The following CAP2 variants were observed in gnomAD, a reference collection of about 807,000 sequenced individuals.
The protein encoded by CAP2 is cyclase associated actin cytoskeleton regulatory protein 2.
CAP2 carries 24 observed loss-of-function variants against 57.7 expected under a neutral mutation model. The observed-to-expected ratio is 0.42, with a 90% CI of 0.30 to 0.58. The LOEUF (loss-of-function observed/expected upper bound fraction) is 0.58, where lower values mean the gene tolerates loss of function less well. Among genes scored for constraint, CAP2 ranks in the 20% least tolerant of loss-of-function variants. The pLI, the probability that CAP2 is intolerant of heterozygous loss-of-function variation, is 0.22. For missense variants in CAP2, 501 were observed against 590.3 expected, an observed-to-expected ratio of 0.85 and a Z score of 1.57; for synonymous variants, 194 against 207.2, an observed-to-expected ratio of 0.94 and a Z score of 0.55.
At chr6:17,552,406 T>C (rs1463604240) in intron 12 of CAP2, among the ~76,000 whole-genome samples, 1 of 152,094 alleles carries the variant, frequency 6.6e-6, no homozygotes, top group African/African-American at 2.4e-5. Context: ...GCCAGCACTT[T>C]GGGAGGCAGA....
Position 17,507,268 on chromosome 6 carries a change from T to C in CAP2, c.400T>C (p.Ser134Pro). The change falls in exon 5 of 13, where the codon TCG becomes CCG. Residue 134 changes from serine (S) to proline (P), a missense_variant. Physicochemically the swap from Ser to Pro is moderately conservative, Grantham distance 74. Coordinates refer to ENST00000229922, the MANE Select transcript of CAP2 (RefSeq NM_006366.3). Reference sequence around the variant, plus strand: ...GGGGAGTAACATGTTTAATCATCTTTCGGCCGTCAGCGAAAGCATCCCTGC... The same window carrying C: ...GGGGAGTAACATGTTTAATCATCTTCCGGCCGTCAGCGAAAGCATCCCTGC... ...NRGSNMFNHL[S>P]AVSESIPALG... The C allele has an allele frequency of 6.2e-7, 1 of 1,614,222 alleles. No individual in the cohort carries two copies. The highest frequency in any genetic ancestry group is 2.2e-5 in the East Asian group (1 of 44,888).
Position 17,507,688 on chromosome 6 carries a change from CT to C in CAP2, c.496del (p.Tyr166ThrfsTer6). ...YVKEMNDAATFYTNRVLKDYK... is the reference protein window; with the variant it reads ...YVKEMNDAATXYTNRVLKDYK... ...TCAAGGAGATGAATGACGCTGCCAC[CT>C]TTTACACTAACAGGGTCTTAAAGGA... On this transcript the variant is annotated frameshift_variant, in exon 6 of 13. Transcript: ENST00000229922. LOFTEE classifies it high-confidence loss of function. 6.2e-7 allele frequency: 1 copy of C among 1,611,068 alleles called. No individual in the cohort carries two copies. Among genetic ancestry groups the C allele is most frequent in the Non-Finnish European group, 8.5e-7 (1 of 1,177,458 alleles).
At chr6:17,516,039 G>C (rs770260557) in intron 7 of CAP2, among the ~76,000 whole-genome samples, 1 of 152,134 alleles carries the variant, frequency 6.6e-6, no homozygotes, top group Non-Finnish European at 1.5e-5. Flanking sequence ...CCTATATCCT[G>C]CTGTATAACC....
chr6:17,500,359 A>ATATATATATATAT (rs1761781527), intron 4 of CAP2, among the ~76,000 whole-genome samples: 1 of 92,214 alleles, frequency 1.1e-5, no homozygotes, highest in African/African-American at 4.7e-5. Context: ...ATATATATAT[A>ATATATATATATAT]TATATATATA....
chr6:17,478,334 C>T (rs1283279585), intron 4 of CAP2, among the ~76,000 whole-genome samples: 2 of 134,866 alleles, frequency 1.5e-5, no homozygotes, highest in African/African-American at 2.9e-5. Flanking sequence ...TTAGTAGAGA[C>T]AGGGTCTCAC....
chr6:17,514,341 C>A (rs1247483430), intron 7 of CAP2, among the ~76,000 whole-genome samples: 5 of 151,900 alleles, frequency 3.3e-5, no homozygotes, highest in Non-Finnish European at 5.9e-5. Flanking sequence ...CCAGCCTGGG[C>A]GACAGAGCAA....
chr6:17,519,465 T>C (rs899025438), intron 7 of CAP2, among the ~76,000 whole-genome samples: 3 of 152,160 alleles, frequency 2.0e-5, no homozygotes, highest in African/African-American at 7.2e-5. Context: ...TTTTCCAACT[T>C]ATTAAGACAG....
intron 4 of CAP2, among the ~76,000 whole-genome samples, chr6:17,496,304 G>A (rs1475703190): frequency 1.3e-5 from 2 of 152,084 alleles, no homozygotes; most frequent in Non-Finnish European, 2.9e-5. Context: ...ATCAGGTTAC[G>A]CAAAGTTAAA....
intron 4 of CAP2, among the ~76,000 whole-genome samples, chr6:17,487,919 C>T (rs763835754): frequency 7.2e-5 from 11 of 152,116 alleles, no homozygotes; most frequent in Non-Finnish European, 1.6e-4. Context: ...GCTGGGACTA[C>T]AGGTGTGTGC....
intron 3 of CAP2, among the ~76,000 whole-genome samples, chr6:17,452,929 T>C (rs1357171751): frequency 6.6e-6 from 1 of 152,168 alleles, no homozygotes; most frequent in Non-Finnish European, 1.5e-5. Flanking sequence ...ATAAGTCCTT[T>C]CTAGTTTTAA....
intron 3 of CAP2, among the ~76,000 whole-genome samples, chr6:17,427,190 G>A (rs144083396): frequency 6.6e-6 from 1 of 152,200 alleles, no homozygotes; most frequent in Non-Finnish European, 1.5e-5. Flanking sequence ...CAGCAAGAGC[G>A]AAGGCTCAGA....
intron 1 of CAP2, among the ~76,000 whole-genome samples, chr6:17,408,979 A>G (rs1190901636): frequency 6.6e-6 from 1 of 151,332 alleles, no homozygotes; most frequent in African/African-American, 2.4e-5. Flanking sequence ...CTATGATGAT[A>G]GCCTCTTATG....
chr6:17,436,314 G>C (rs1396221896), intron 3 of CAP2, among the ~76,000 whole-genome samples: 1 of 152,024 alleles, frequency 6.6e-6, no homozygotes, highest in Non-Finnish European at 1.5e-5. Flanking sequence ...TGTGTTTTTA[G>C]TAGAGACAAG....
At chr6:17,416,071 T>C (rs541761020) in intron 1 of CAP2, among the ~76,000 whole-genome samples, 9 of 151,888 alleles carry the variant, frequency 5.9e-5, no homozygotes, top group African/African-American at 1.9e-4. Context: ...AGGGAAAATA[T>C]GTGTAAATAT....
chr6:17,482,926 A>G (rs963698026), intron 4 of CAP2, among the ~76,000 whole-genome samples: 5 of 152,182 alleles, frequency 3.3e-5, no homozygotes, highest in Non-Finnish European at 7.4e-5. Context: ...GCATTGTTCT[A>G]TTGTTATTAT....
At position 17,426,661 on chromosome 6, in the gene CAP2, A is replaced by G. The variant is rs1302512384; in HGVS notation, c.193A>G (p.Arg65Gly). 6 of 1,613,718 alleles carry G rather than the reference A, an allele frequency of 3.7e-6. No individual in the cohort carries two copies. The African/African-American group carries it at 6.7e-5, about 18-fold the overall frequency. The change falls in exon 3 of 13, where the codon AGG becomes GGG. Residue 65 changes from arginine to glycine, a missense_variant. Coordinates refer to ENST00000229922, the MANE Select transcript of CAP2 (RefSeq NM_006366.3). ...SMVAEFLKNS[R>G]ILAGDVETHA... Reference sequence around the variant, plus strand: ...GGTGGCCGAGTTTTTAAAGAACAGTAGGATCCTTGCTGGGGACGTGGAGAC... The same window carrying G: ...GGTGGCCGAGTTTTTAAAGAACAGTGGGATCCTTGCTGGGGACGTGGAGAC...
chr6:17,440,631 G>GTGTA, intron 3 of CAP2, among the ~76,000 whole-genome samples: 1 of 150,900 alleles, frequency 6.6e-6, no homozygotes, highest in Non-Finnish European at 1.5e-5. Context: ...GTGTGTGTGT[G>GTGTA]TGTGTGTGTG....
chr6:17,499,260 G>T (rs1490436017), intron 4 of CAP2, among the ~76,000 whole-genome samples: 1 of 151,548 alleles, frequency 6.6e-6, no homozygotes, highest in Non-Finnish European at 1.5e-5. Context: ...TTAGCCAGGC[G>T]TGGTGGCACA....
intron 3 of CAP2, among the ~76,000 whole-genome samples, chr6:17,431,405 G>C (rs1457436520): frequency 6.6e-6 from 1 of 151,912 alleles, no homozygotes; most frequent in Non-Finnish European, 1.5e-5. Flanking sequence ...TCAACTAAAC[G>C]TAACACACAT....
Sources: gnomAD v4.1 joint callset for allele counts (sites outside exome capture counted in the v4.1 genomes callset) on GRCh38, gnomAD v4.1.1 for gene constraint, MANE v1.5 for transcripts, NCBI Gene and HGNC (gene_info 2026-07-23, HGNC 2026-07-21) for gene names.